The following TMEM65 variants were observed in gnomAD, a reference collection of about 807,000 sequenced individuals.
The protein encoded by TMEM65 is transmembrane protein 65.
Under a neutral mutation model 25.4 loss-of-function variants are expected in TMEM65, and 22 were observed. The ratio of observed to expected loss-of-function variants is 0.86; its 90% CI spans 0.62 to 1.23. The LOEUF is 1.23. Among genes scored for constraint, TMEM65 ranks in the 50% most tolerant of loss-of-function variants. The pLI is 0.00. For synonymous variants in TMEM65, 132 were observed against 126.2 expected, an observed-to-expected ratio of 1.05 and a Z score of -0.31; for missense variants, 262 against 308.2, an observed-to-expected ratio of 0.85 and a Z score of 1.12.
intron 2 of TMEM65, among the ~76,000 whole-genome samples, chr8:124,328,795 CT>C (rs898538082): frequency 6.6e-6 from 1 of 151,940 alleles, no homozygotes; most frequent in African/African-American, 2.4e-5. Context: ...TTTTTAGAGT[CT>C]TTTTTTCTTT....
intron 1 of TMEM65, among the ~76,000 whole-genome samples, chr8:124,352,578 C>T (rs990935274): frequency 2.9e-4 from 43 of 150,176 alleles, no homozygotes; most frequent in Non-Finnish European, 4.5e-5. Flanking sequence ...AATTATTTCC[C>T]TAAGAAGTGG....
chr8:124,356,117 G>A (rs942432579), intron 1 of TMEM65, among the ~76,000 whole-genome samples: 10 of 152,126 alleles, frequency 6.6e-5, no homozygotes, highest in African/African-American at 1.7e-4. Context: ...TAATCTGAGC[G>A]GTGAACCAAT....
intron 1 of TMEM65, among the ~76,000 whole-genome samples, chr8:124,349,927 G>A (rs1293817833): frequency 6.6e-6 from 1 of 152,084 alleles, no homozygotes; most frequent in East Asian, 1.9e-4. Context: ...ATTTGAATAA[G>A]TATCAAATAA....
rs570653322 is a variant in TMEM65, at chr8:124,351,992, A to C, written c.304+19862T>G. On this transcript the variant is annotated intron_variant, in intron 1 of 6. Coordinates refer to ENST00000297632, the MANE Select transcript of TMEM65 (RefSeq NM_194291.3). Reference sequence around the variant, plus strand: ...TGTAAAACATCACGTTATCACTGGGAGACAAGGAGGAAACACACCTACATG... The same window carrying C: ...TGTAAAACATCACGTTATCACTGGGCGACAAGGAGGAAACACACCTACATG... Among the ~76,000 whole-genome samples the C allele has an allele frequency of 2.6e-5, 4 of 152,238 alleles. No homozygotes were observed. In the South Asian group the frequency reaches 8.3e-4, roughly 32 times the overall value.
chr8:124,340,463 G>C (rs1392528606), intron 1 of TMEM65, among the ~76,000 whole-genome samples: 2 of 152,126 alleles, frequency 1.3e-5, no homozygotes, highest in Non-Finnish European at 2.9e-5. Flanking sequence ...CACACGACTT[G>C]GGTAATCTTT....
chr8:124,314,150 T>A, intron 6 of TMEM65, 89 bp from the exon 7 acceptor site: 1 of 1,002,104 alleles, frequency 1.0e-6, no homozygotes, highest in African/African-American at 1.6e-5. Context: ...CTTCTCAATA[T>A]ATTTGGATTT....
At chr8:124,336,785 T>C (rs1444914120) in intron 1 of TMEM65, among the ~76,000 whole-genome samples, 1 of 151,682 alleles carries the variant, frequency 6.6e-6, no homozygotes, top group Non-Finnish European at 1.5e-5. Context: ...AAAGTAAACA[T>C]AAACTAAGTA....
rs1814317588 is a variant in TMEM65 at position 124,322,617 on chromosome 8, A to G, written c.473-470T>C. Among the ~76,000 whole-genome samples, 3 of 152,056 alleles carry G rather than the reference A, an allele frequency of 2.0e-5. No individual in the cohort carries two copies. The South Asian group carries it at 6.2e-4, about 31-fold the overall frequency. On this transcript the variant is annotated intron_variant, in intron 4 of 6. Transcript: ENST00000297632. ...GTGGTAAATGGGACAGAGAAGACAG[A>G]TGTTTAATCCTGTATTTCCTTCTTT...
chr8:124,320,400 T>C (rs1465961806), intron 5 of TMEM65, among the ~76,000 whole-genome samples: 1 of 152,222 alleles, frequency 6.6e-6, no homozygotes, highest in African/African-American at 2.4e-5. Context: ...AAACATTCTT[T>C]ACAACTTTTA....
chr8:124,358,863 C>A (rs1347449748), intron 1 of TMEM65, among the ~76,000 whole-genome samples: 2 of 152,234 alleles, frequency 1.3e-5, no homozygotes, highest in African/African-American at 4.8e-5. Context: ...TCTCTCGCAG[C>A]AAATGGGGTG....
intron 1 of TMEM65, among the ~76,000 whole-genome samples, chr8:124,359,446 T>C (rs1454315063): frequency 6.6e-6 from 1 of 152,214 alleles, no homozygotes; most frequent in Non-Finnish European, 1.5e-5. Flanking sequence ...ATTTCAACAT[T>C]TTTACTGCCT....
rs1814113705 is a variant in TMEM65 at position 124,307,966 on chromosome 8, G to A, written c.*5994C>T. The A allele has an allele frequency of 6.6e-6, 1 of 152,142 alleles. No individual in the cohort carries two copies. Among genetic ancestry groups the A allele is most frequent in the African/African-American group, 2.4e-5 (1 of 41,440 alleles). The allele number at this position is 152,142 out of a possible 1,614,324, so 9.4% of individuals were successfully genotyped here. A position where few individuals can be genotyped will look rare whatever the true frequency, so the allele number is the denominator to read the frequency against. On this transcript the variant is annotated 3_prime_UTR_variant, in exon 7 of 7. Transcript: ENST00000297632. ...AGAAAGGGACAGGCTAATGCTATGG[G>A]TTTTTGCAAATGCTGTTGGGTTTAT...
At chr8:124,371,188 T>C (rs986628018) in intron 1 of TMEM65, among the ~76,000 whole-genome samples, 8 of 152,266 alleles carry the variant, frequency 5.3e-5, no homozygotes, top group Non-Finnish European at 1.2e-4. Flanking sequence ...ACCTCCTTAT[T>C]TATTTCATTC....
intron 1 of TMEM65, among the ~76,000 whole-genome samples, chr8:124,338,639 T>C (rs2131210521): frequency 6.6e-6 from 1 of 152,286 alleles, no homozygotes; most frequent in East Asian, 1.9e-4. Flanking sequence ...ACAAAACAAG[T>C]CTGAATGTTC....
In TMEM65 at chr8:124,372,241, C is replaced by T. The variant is rs918491702; in HGVS notation, c.-84G>A. 6 of 1,175,408 alleles carry T rather than the reference C, an allele frequency of 5.1e-6. No individual in the cohort carries two copies. The South Asian group carries it at 5.4e-5, about 10-fold the overall frequency. 72.8% of individuals were successfully genotyped at this position (1,175,408 alleles called of 1,614,324 possible). Reference sequence around the variant, plus strand: ...TGAGGCGAGAAGGAGCTGGGCTCAGCTCGACCCCGCCCCGAGGTCCTCCTG... The same window carrying T: ...TGAGGCGAGAAGGAGCTGGGCTCAGTTCGACCCCGCCCCGAGGTCCTCCTG... On this transcript the variant is annotated 5_prime_UTR_variant, in exon 1 of 7. Transcript: ENST00000297632.
chr8:124,323,635 T>C (rs1379954609), intron 3 of TMEM65, among the ~76,000 whole-genome samples: 1 of 152,072 alleles, frequency 6.6e-6, no homozygotes, highest in African/African-American at 2.4e-5. Context: ...AGAAATATAG[T>C]TCATCATTAA....
intron 1 of TMEM65, among the ~76,000 whole-genome samples, chr8:124,337,833 T>C (rs993091314): frequency 1.3e-5 from 2 of 152,070 alleles, no homozygotes; most frequent in Non-Finnish European, 2.9e-5. Context: ...ATATTTTACA[T>C]TAAACAAGCC....
chr8:124,335,117 C>T (rs1056897183), intron 1 of TMEM65, among the ~76,000 whole-genome samples: 1 of 152,078 alleles, frequency 6.6e-6, no homozygotes, highest in East Asian at 1.9e-4. Flanking sequence ...CAGTGAACTT[C>T]TAGTGGAATA....
intron 1 of TMEM65, among the ~76,000 whole-genome samples, chr8:124,331,556 G>A (rs1046227535): frequency 6.6e-6 from 1 of 151,512 alleles, no homozygotes; most frequent in African/African-American, 2.4e-5. Context: ...AAGCCAGAGA[G>A]TATCTTTACG....
Sources: allele counts gnomAD v4.1 joint callset (sites outside exome capture counted in the v4.1 genomes callset), GRCh38; gene constraint gnomAD v4.1.1; transcripts MANE v1.5; gene names NCBI Gene and HGNC (gene_info 2026-07-23, HGNC 2026-07-21).